Variants in COBLL1 observed in about 807,000 individuals in gnomAD.
COBLL1 encodes cordon-bleu WH2 repeat protein like 1.
In COBLL1, 50 loss-of-function variants were observed where a neutral mutation model predicts 94.8. That is an observed-to-expected ratio of 0.53 (90% CI 0.42 to 0.67). The LOEUF is 0.67. COBLL1 is among the 30% of genes least tolerant of loss of function. The pLI, the probability that COBLL1 is intolerant of heterozygous loss-of-function variation, is 0.00. For synonymous variants in COBLL1, 448 were observed against 473.8 expected (o/e 0.95, Z 0.71); for missense variants, 1,362 against 1,348.7 (o/e 1.01, Z -0.15).
At chr2:164,790,862 A>G (rs188463969) in intron 2 of COBLL1, among the ~76,000 whole-genome samples, 1 of 152,248 alleles carries the variant, frequency 6.6e-6, no homozygotes, top group East Asian at 1.9e-4. Context: ...AAGACTCTCC[A>G]CCTCTCTCTA....
chr2:164,824,297 C>T (rs1685326429), intron 2 of COBLL1, among the ~76,000 whole-genome samples: 1 of 151,654 alleles, frequency 6.6e-6, no homozygotes, highest in African/African-American at 2.4e-5. Flanking sequence ...GGGAGAATTG[C>T]TTGAACCTGG....
At chr2:164,840,429 T>C (rs1683535019) in intron 2 of COBLL1, among the ~76,000 whole-genome samples, 2 of 152,144 alleles carry the variant, frequency 1.3e-5, no homozygotes, top group South Asian at 4.1e-4. Flanking sequence ...CCTGTTCTCA[T>C]TACTGTTTAC....
intron 7 of COBLL1, among the ~76,000 whole-genome samples, chr2:164,714,856 T>G (rs900624199): frequency 6.6e-6 from 1 of 152,218 alleles, no homozygotes; most frequent in Admixed American, 6.5e-5. Context: ...CTCAGCATGT[T>G]ATTTTAGAGA....
intron 9 of COBLL1, among the ~76,000 whole-genome samples, chr2:164,702,229 T>C (rs1369943576): frequency 6.6e-6 from 1 of 152,122 alleles, no homozygotes. Context: ...GTGTCTACGA[T>C]AGCATATTGT....
At chr2:164,801,661 CAA>C (rs1223609916) in intron 2 of COBLL1, among the ~76,000 whole-genome samples, 1 of 152,018 alleles carries the variant, frequency 6.6e-6, no homozygotes, top group Non-Finnish European at 1.5e-5. Flanking sequence ...ATACACCCAA[CAA>C]AAGTCAATTT....
intron 2 of COBLL1, among the ~76,000 whole-genome samples, chr2:164,753,496 C>T (rs978817911): frequency 6.6e-6 from 1 of 152,040 alleles, no homozygotes; most frequent in Non-Finnish European, 1.5e-5. Context: ...ATACGACTTG[C>T]CTGCTTCTTC....
At chr2:164,805,361 A>ATATATATAT (rs1456462448) in intron 2 of COBLL1, among the ~76,000 whole-genome samples, 5 of 119,564 alleles carry the variant, frequency 4.2e-5, no homozygotes, top group Admixed American at 1.9e-4. Flanking sequence ...ATATATATAT[A>ATATATATAT]TAAAACTAAA....
chr2:164,694,162 AAT>A, intron 12 of COBLL1, 105 bp downstream of exon 12: 5 of 1,058,098 alleles, frequency 4.7e-6, no homozygotes, highest in South Asian at 4.6e-5. Context: ...ATTTCAGATG[AAT>A]ATGAGTTCAG....
chr2:164,804,610 A>G (rs1162297852), intron 2 of COBLL1, among the ~76,000 whole-genome samples: 2 of 152,322 alleles, frequency 1.3e-5, no homozygotes, highest in East Asian at 3.9e-4. Flanking sequence ...GATACAAAGG[A>G]TAACTGTCAA....
intron 2 of COBLL1, among the ~76,000 whole-genome samples, chr2:164,768,492 T>A (rs537550784): frequency 6.6e-6 from 1 of 152,266 alleles, no homozygotes; most frequent in East Asian, 1.9e-4. Context: ...TCTTCCAATG[T>A]GGCCCACGAA....
chr2:164,781,608 G>A (rs1509102), intron 2 of COBLL1, among the ~76,000 whole-genome samples: 17,436 of 152,148 alleles, frequency 0.11, 1,350 homozygotes, highest in Admixed American at 0.18. Flanking sequence ...ACTATTTAGC[G>A]AATTAGTCAA....
chr2:164,693,503 C>A (rs1421569911), intron 12 of COBLL1, among the ~76,000 whole-genome samples: 1 of 152,050 alleles, frequency 6.6e-6, no homozygotes, highest in Admixed American at 6.6e-5. Flanking sequence ...TTTAAAATTG[C>A]ATGAGGATTA....
Position 164,680,434 on chromosome 2 carries a change from C to T in COBLL1, c.*5512G>A, listed in dbSNP as rs1250385472. ...TCCAAAAAGTTTCTTCACTATGAAC[C>T]CTTCAGTGAACTTTTCCCCATTCAT... On this transcript the variant is annotated 3_prime_UTR_variant, in exon 14 of 14. Transcript: ENST00000652658. 6.6e-6 allele frequency: 1 copy of T among 152,052 alleles called. No homozygotes were observed. The highest frequency in any genetic ancestry group is 1.5e-5 in the Non-Finnish European group (1 of 68,006). The allele number at this position is 152,052 out of a possible 1,614,324, so 9.4% of individuals were successfully genotyped here.
At chr2:164,701,432 TG>T (rs1483494366) in intron 9 of COBLL1, among the ~76,000 whole-genome samples, 8 of 152,346 alleles carry the variant, frequency 5.3e-5, no homozygotes, top group South Asian at 2.1e-4. Flanking sequence ...CTAACCAGTT[TG>T]ATTCTCAGAG....
At chr2:164,668,602 G>T in intron 1 of COBLL1, among the ~76,000 whole-genome samples, 1 of 152,212 alleles carries the variant, frequency 6.6e-6, no homozygotes, top group East Asian at 1.9e-4. Flanking sequence ...ATGCAGGGTT[G>T]CCACTAACAT....
At chr2:164,721,002 A>G (rs1407775116) in intron 7 of COBLL1, among the ~76,000 whole-genome samples, 1 of 152,236 alleles carries the variant, frequency 6.6e-6, no homozygotes, top group South Asian at 2.1e-4. Context: ...AACTTAATAG[A>G]TAATTTTCCA....
chr2:164,805,335 C>A (rs74169439), intron 2 of COBLL1, among the ~76,000 whole-genome samples: 6,489 of 17,746 alleles, frequency 0.37, 880 homozygotes, highest in African/African-American at 0.42. Flanking sequence ...CTCTCTCTCT[C>A]TCTATATATA....
At chr2:164,835,236 C>T (rs952432500) in intron 2 of COBLL1, among the ~76,000 whole-genome samples, 7 of 152,190 alleles carry the variant, frequency 4.6e-5, no homozygotes, top group Non-Finnish European at 4.4e-5. Context: ...AGCAACAGCA[C>T]TATTCACAAT....
chr2:164,785,790 A>G (rs917218695), intron 2 of COBLL1, among the ~76,000 whole-genome samples: 6 of 152,116 alleles, frequency 3.9e-5, no homozygotes, highest in South Asian at 2.1e-4. Context: ...AAGAAAGAAA[A>G]AAAAAAGACA....
Sources: allele counts gnomAD v4.1 joint callset (sites outside exome capture counted in the v4.1 genomes callset), GRCh38; gene constraint gnomAD v4.1.1; transcripts MANE v1.5; gene names NCBI Gene and HGNC (gene_info 2026-07-23, HGNC 2026-07-21).